The following WDPCP variants were observed in gnomAD, a reference collection of about 807,000 sequenced individuals.
The protein encoded by WDPCP is WD repeat containing planar cell polarity effector, also known as WD repeat-containing and planar cell polarity effector protein fritz homolog.
WDPCP carries 71 observed loss-of-function variants against 93.1 expected under a neutral mutation model. The ratio of observed to expected loss-of-function variants is 0.76; its 90% CI spans 0.63 to 0.93. The LOEUF (loss-of-function observed/expected upper bound fraction) is 0.93. Ranked by LOEUF, WDPCP falls within the 40% of genes least tolerant of loss-of-function variation. The probability of loss-of-function intolerance (pLI) is 0.00; values close to 1 mark genes in which losing one functional copy is unlikely to be tolerated. For missense variants in WDPCP, 844 were observed against 887.4 expected, an observed-to-expected ratio of 0.95 and a Z score of 0.62; for synonymous variants, 315 against 315.0, an observed-to-expected ratio of 1.00 and a Z score of 0.00.
intron 3 of WDPCP, among the ~76,000 whole-genome samples, chr2:63,600,675 T>G (rs927371394): frequency 3.6e-4 from 55 of 152,172 alleles, no homozygotes; most frequent in Non-Finnish European, 5.9e-5. Flanking sequence ...CATTCCTAAT[T>G]TAGAGGGTTG....
At chr2:63,390,200 C>G (rs182979436) in intron 10 of WDPCP, among the ~76,000 whole-genome samples, 1 of 152,300 alleles carries the variant, frequency 6.6e-6, no homozygotes, top group Admixed American at 6.5e-5. Context: ...AACTGTCTCT[C>G]AGACCACAGT....
chr2:63,577,883 TTA>T (rs1708222347), intron 1 of WDPCP, among the ~76,000 whole-genome samples: 1 of 152,216 alleles, frequency 6.6e-6, no homozygotes, highest in African/African-American at 2.4e-5. Flanking sequence ...CAATTAGTTA[TTA>T]ATATTTCATT....
At chr2:63,700,514 G>T (rs570725637) in intron 2 of WDPCP, among the ~76,000 whole-genome samples, 1 of 152,202 alleles carries the variant, frequency 6.6e-6, no homozygotes, top group East Asian at 1.9e-4. Context: ...TGGTATGCCT[G>T]TCATTGTAAT....
At chr2:63,413,903 T>C (rs1047141136) in intron 9 of WDPCP, among the ~76,000 whole-genome samples, 2 of 151,532 alleles carry the variant, frequency 1.3e-5, no homozygotes, top group African/African-American at 4.9e-5. Flanking sequence ...GACAACCCAG[T>C]GGGAGAAAAT....
At chr2:63,292,742 G>A (rs1395926684) in intron 13 of WDPCP, among the ~76,000 whole-genome samples, 1 of 152,222 alleles carries the variant, frequency 6.6e-6, no homozygotes, top group Non-Finnish European at 1.5e-5. Flanking sequence ...GAAGATGACA[G>A]AGTAGAAAGC....
At chr2:63,451,821 T>C (rs553973027) in intron 6 of WDPCP, among the ~76,000 whole-genome samples, 2 of 152,158 alleles carry the variant, frequency 1.3e-5, no homozygotes, top group Non-Finnish European at 2.9e-5. Flanking sequence ...ATCCAGCATA[T>C]AAACAGAACC....
intron 6 of WDPCP, 174 bp from the exon 7 acceptor site, chr2:63,440,045 G>T: frequency 1.7e-6 from 1 of 594,080 alleles, no homozygotes. Flanking sequence ...TGAGTAAAAA[G>T]AGAAAGGTGG....
chr2:63,177,613 T>C (rs1673915521), intron 14 of WDPCP, among the ~76,000 whole-genome samples: 3 of 151,834 alleles, frequency 2.0e-5, no homozygotes, highest in Admixed American at 2.0e-4. Context: ...TCAATTATTC[T>C]AAAGTTTAAA....
At chr2:63,683,331 A>G (rs1362851998) in intron 2 of WDPCP, among the ~76,000 whole-genome samples, 1 of 152,184 alleles carries the variant, frequency 6.6e-6, no homozygotes, top group Non-Finnish European at 1.5e-5. Context: ...AAAACCCACT[A>G]ATCTATTACC....
At chr2:63,334,980 A>G (rs13021852) in intron 12 of WDPCP, among the ~76,000 whole-genome samples, 28,782 of 152,162 alleles carry the variant, frequency 0.19, 2,855 homozygotes, top group Middle Eastern at 0.24. Flanking sequence ...TAAGGGACAA[A>G]GGACATAACT....
chr2:63,723,702 C>T (rs1439963114), intron 2 of WDPCP, among the ~76,000 whole-genome samples: 3 of 152,176 alleles, frequency 2.0e-5, no homozygotes, highest in African/African-American at 7.2e-5. Flanking sequence ...TGGCCCCACC[C>T]AATGCTGGTT....
intron 13 of WDPCP, among the ~76,000 whole-genome samples, chr2:63,271,424 G>A (rs1305861625): frequency 6.6e-6 from 1 of 152,164 alleles, no homozygotes; most frequent in Non-Finnish European, 1.5e-5. Context: ...AAACATTAAG[G>A]AGCTTCAGGA....
At chr2:63,510,789 T>TGGC (rs1249365962) in intron 1 of WDPCP, among the ~76,000 whole-genome samples, 4 of 152,160 alleles carry the variant, frequency 2.6e-5, no homozygotes, top group Non-Finnish European at 4.4e-5. Flanking sequence ...CTGGCCAACA[T>TGGC]GGCAAACCCT....
At chr2:63,504,970 C>G (rs1701777595) in intron 1 of WDPCP, among the ~76,000 whole-genome samples, 1 of 151,926 alleles carries the variant, frequency 6.6e-6, no homozygotes, top group Non-Finnish European at 1.5e-5. Flanking sequence ...GCCGATTGGT[C>G]AATAAATTAA....
intron 17 of WDPCP, among the ~76,000 whole-genome samples, chr2:63,144,755 G>A (rs1671357063): frequency 6.6e-6 from 1 of 152,038 alleles, no homozygotes; most frequent in Non-Finnish European, 1.5e-5. Context: ...TCTTTTTCAG[G>A]TAAATCAGGG....
chr2:63,494,776 C>G (rs1240200696), intron 1 of WDPCP, among the ~76,000 whole-genome samples: 2 of 152,004 alleles, frequency 1.3e-5, no homozygotes, highest in Non-Finnish European at 2.9e-5. Flanking sequence ...AAAAATTAGC[C>G]GGGCGTGGTG....
chr2:63,491,444 C>T (rs1274372322), intron 2 of WDPCP, among the ~76,000 whole-genome samples: 6 of 152,178 alleles, frequency 3.9e-5, no homozygotes, highest in African/African-American at 1.4e-4. Context: ...CCAAAGGACT[C>T]CCTCAAACGT....
chr2:63,330,414 G>C (rs770678647), intron 12 of WDPCP, among the ~76,000 whole-genome samples: 29 of 152,042 alleles, frequency 1.9e-4, no homozygotes, highest in Non-Finnish European at 3.8e-4. Flanking sequence ...CCCTTGCCCA[G>C]TTTAAAATTT....
chr2:63,612,214 C>A (rs1282122129), intron 3 of WDPCP, among the ~76,000 whole-genome samples: 2 of 152,122 alleles, frequency 1.3e-5, no homozygotes, highest in Admixed American at 1.3e-4. Flanking sequence ...TTTTAGGTGT[C>A]CTTAAACAAC....
Sources: allele counts gnomAD v4.1 joint callset (sites outside exome capture counted in the v4.1 genomes callset), GRCh38; gene constraint gnomAD v4.1.1; transcripts MANE v1.5; gene names NCBI Gene and HGNC (gene_info 2026-07-23, HGNC 2026-07-21).